The following ZDHHC14 variants were observed in gnomAD, a reference collection of about 807,000 sequenced individuals.
ZDHHC14 encodes the protein palmitoyltransferase ZDHHC14.
ZDHHC14 carries 16 observed loss-of-function variants against 47.7 expected under a neutral mutation model. The ratio of observed to expected loss-of-function variants is 0.34; its 90% CI spans 0.23 to 0.51. ZDHHC14 has a LOEUF of 0.51. ZDHHC14 is among the 20% of genes least tolerant of loss of function. The pLI is 0.97. For synonymous variants in ZDHHC14, 293 were observed against 278.9 expected, an observed-to-expected ratio of 1.05 and a Z score of -0.50; for missense variants, 515 against 662.5, an observed-to-expected ratio of 0.78 and a Z score of 2.44.
intron 1 of ZDHHC14, among the ~76,000 whole-genome samples, chr6:157,421,814 G>T (rs550199989): frequency 6.6e-6 from 1 of 152,174 alleles, no homozygotes; most frequent in Admixed American, 6.5e-5. Flanking sequence ...CACCATGTTG[G>T]TCAGGCTGGT....
chr6:157,673,549 A>C lies in ZDHHC14; in HGVS notation c.*427A>C. 2 of 166,000 alleles carry C rather than the reference A, an allele frequency of 1.2e-5. No individual in the cohort carries two copies. Among genetic ancestry groups the C allele is most frequent in the Non-Finnish European group, 1.3e-5 (1 of 77,960 alleles). 10.3% of individuals were successfully genotyped at this position (166,000 alleles called of 1,614,324 possible). Reference sequence around the variant, plus strand: ...TTAATTAAAAAAAAAAAAAATCCTAAAGGGAAAAAACCGACCAGGTGTGGA... The same window carrying C: ...TTAATTAAAAAAAAAAAAAATCCTACAGGGAAAAAACCGACCAGGTGTGGA... On this transcript the variant is annotated 3_prime_UTR_variant, in exon 9 of 9. Transcript: ENST00000359775. The surrounding 1 kb of genome is among the most constrained non-coding windows in gnomAD (Gnocchi z 5.4).
intron 2 of ZDHHC14, among the ~76,000 whole-genome samples, chr6:157,546,973 T>G (rs2114813355): frequency 6.6e-6 from 1 of 152,340 alleles, no homozygotes; most frequent in Admixed American, 6.5e-5. Flanking sequence ...AGGAAGCGCC[T>G]CTTCCAAGCC....
chr6:157,585,859 G>C (rs9505851), intron 2 of ZDHHC14, among the ~76,000 whole-genome samples: 78,554 of 152,130 alleles, frequency 0.52, 20,910 homozygotes, highest in African/African-American at 0.65. Flanking sequence ...CCTTGGAAAG[G>C]TGTCCTCTGC....
chr6:157,665,157 T>C (rs1284623860), intron 8 of ZDHHC14, among the ~76,000 whole-genome samples: 1 of 152,230 alleles, frequency 6.6e-6, no homozygotes, highest in Non-Finnish European at 1.5e-5. Flanking sequence ...ATTTGCCTCC[T>C]GTACTTTGGC....
intron 1 of ZDHHC14, among the ~76,000 whole-genome samples, chr6:157,492,465 G>A (rs148017935): frequency 6.6e-6 from 1 of 152,072 alleles, no homozygotes; most frequent in Non-Finnish European, 1.5e-5. Context: ...GAAGGCGGAG[G>A]CTCCCTGATC....
rs969138606 is a variant in ZDHHC14, at chr6:157,427,596, G to A, written c.245+45330G>A. On this transcript the variant is annotated intron_variant, in intron 1 of 8. Coordinates refer to ENST00000359775, the MANE Select transcript of ZDHHC14 (RefSeq NM_024630.3). The surrounding 1 kb of genome is among the most constrained non-coding windows in gnomAD (Gnocchi z 4.4). ...AAGGGAAACTGATGTGATAAATCAC[G>A]GGGTCCAGGCTGGCAGAGATATGAG... Among the ~76,000 whole-genome samples the A allele has an allele frequency of 6.6e-6, 1 of 152,084 alleles. No individual in the cohort carries two copies. Among genetic ancestry groups the A allele is most frequent in the African/African-American group, 2.4e-5 (1 of 41,408 alleles).
At chr6:157,538,641 A>G (rs923909896) in intron 1 of ZDHHC14, among the ~76,000 whole-genome samples, 1 of 152,204 alleles carries the variant, frequency 6.6e-6, no homozygotes, top group African/African-American at 2.4e-5. Context: ...TGCATGGAGC[A>G]TGTCCACAAA....
intron 3 of ZDHHC14, among the ~76,000 whole-genome samples, chr6:157,612,777 AAG>A (rs781035739): frequency 1.3e-5 from 2 of 152,096 alleles, no homozygotes; most frequent in Admixed American, 6.5e-5. Flanking sequence ...GAAGAAGAAA[AAG>A]AGAATTTGAT....
intron 1 of ZDHHC14, among the ~76,000 whole-genome samples, chr6:157,488,904 A>G (rs1394866759): frequency 6.6e-6 from 1 of 152,248 alleles, no homozygotes; most frequent in African/African-American, 2.4e-5. Context: ...GTCTGCAGCA[A>G]TCATGCCACC....
intron 1 of ZDHHC14, among the ~76,000 whole-genome samples, chr6:157,471,210 G>T (rs917859068): frequency 2.6e-5 from 4 of 152,216 alleles, no homozygotes; most frequent in African/African-American, 4.8e-5. Context: ...GGACTGGCGC[G>T]GGGTCCAGGA....
Position 157,557,606 on chromosome 6 carries a change from T to C in ZDHHC14, c.406+14861T>C, listed in dbSNP as rs553316489. Among the ~76,000 whole-genome samples, 42 of 152,344 alleles carry C rather than the reference T, an allele frequency of 2.8e-4. No individual in the cohort carries two copies. The South Asian group carries it at 7.7e-3, about 28-fold the overall frequency. On this transcript the variant is annotated intron_variant, in intron 2 of 8. Coordinates refer to ENST00000359775, the MANE Select transcript of ZDHHC14 (RefSeq NM_024630.3). Reference sequence around the variant, plus strand: ...TTTAGGGGCAAGACTTTGGTTGTCCTTATTTGCAAATTTAGCTCTAAGAAT... The same window carrying C: ...TTTAGGGGCAAGACTTTGGTTGTCCCTATTTGCAAATTTAGCTCTAAGAAT...
intron 1 of ZDHHC14, among the ~76,000 whole-genome samples, chr6:157,450,046 C>A (rs1273744245): frequency 1.3e-5 from 2 of 152,058 alleles, no homozygotes; most frequent in Non-Finnish European, 2.9e-5. Flanking sequence ...TTAGCAGTGT[C>A]CGCTATATCA....
chr6:157,614,767 G>GTTT (rs574446811), intron 3 of ZDHHC14, among the ~76,000 whole-genome samples: 1 of 141,476 alleles, frequency 7.1e-6, no homozygotes. Context: ...AACTCTTCAT[G>GTTT]TTTTTTTTTT....
At chr6:157,399,522 A>G (rs138585874) in intron 1 of ZDHHC14, among the ~76,000 whole-genome samples, 2,027 of 152,300 alleles carry the variant, frequency 0.013, 16 homozygotes, top group Non-Finnish European at 0.016. Flanking sequence ...GGTTTCAAAG[A>G]CACAAAAACA....
At chr6:157,491,314 A>C (rs754453666) in intron 1 of ZDHHC14, among the ~76,000 whole-genome samples, 1 of 152,156 alleles carries the variant, frequency 6.6e-6, no homozygotes, top group Non-Finnish European at 1.5e-5. Flanking sequence ...TCTTTTGCTG[A>C]GGATGGATGA....
intron 5 of ZDHHC14, among the ~76,000 whole-genome samples, chr6:157,638,303 C>G (rs659077): frequency 0.56 from 85,580 of 152,046 alleles, 24,797 homozygotes; most frequent in African/African-American, 0.65. Flanking sequence ...TCCCTCCGTC[C>G]TCCTCCTACT....
At chr6:157,517,601 G>T (rs144315649) in intron 1 of ZDHHC14, among the ~76,000 whole-genome samples, 1 of 152,040 alleles carries the variant, frequency 6.6e-6, no homozygotes, top group Non-Finnish European at 1.5e-5. Flanking sequence ...TTGAGCCACC[G>T]CGCCTGGCCT....
At chr6:157,596,290 CT>C (rs1376940404) in intron 3 of ZDHHC14, among the ~76,000 whole-genome samples, 1 of 152,108 alleles carries the variant, frequency 6.6e-6, no homozygotes, top group Non-Finnish European at 1.5e-5. Context: ...AAAGTTTTCA[CT>C]GAAAGAATTC....
At chr6:157,644,393 T>G (rs1398020640) in intron 5 of ZDHHC14, among the ~76,000 whole-genome samples, 1 of 152,240 alleles carries the variant, frequency 6.6e-6, no homozygotes, top group Non-Finnish European at 1.5e-5. Context: ...AGGGGTTGCC[T>G]AGGCTGGCAG....
Sources: allele counts gnomAD v4.1 joint callset (sites outside exome capture counted in the v4.1 genomes callset), GRCh38; gene constraint gnomAD v4.1.1; non-coding constraint Gnocchi (gnomAD v3.1); transcripts MANE v1.5; gene names NCBI Gene and HGNC (gene_info 2026-07-23, HGNC 2026-07-21).